The following MME variants were observed in gnomAD, a reference collection of about 807,000 sequenced individuals.
MME encodes membrane metalloendopeptidase, also known as neprilysin.
MME carries 98 observed loss-of-function variants against 113.2 expected under a neutral mutation model. The observed-to-expected ratio is 0.87, with a 90% CI of 0.74 to 1.02. The LOEUF (loss-of-function observed/expected upper bound fraction) is 1.02, where lower values mean the gene tolerates loss of function less well. Ranked by LOEUF, MME falls within the 50% of genes least tolerant of loss-of-function variation. The pLI, the probability that MME is intolerant of heterozygous loss-of-function variation, is 0.00. For missense variants in MME, 836 were observed against 896.0 expected (o/e 0.93, Z 0.86); for synonymous variants, 292 against 300.6 (o/e 0.97, Z 0.30).
Position 155,084,320 on chromosome 3 carries a change from C to G in MME, c.153C>G (p.Thr51=). 1 of 1,614,160 alleles carries G rather than the reference C, an allele frequency of 6.2e-7. No individual in the cohort carries two copies. Among genetic ancestry groups the G allele is most frequent in the South Asian group, 1.1e-5 (1 of 91,078 alleles). Residue 51 remains threonine, a synonymous_variant, in exon 2 of 23, where the codon ACC becomes ACG. Transcript: ENST00000360490. Reference sequence around the variant, plus strand: ...TGACAATGATCGCACTCTATGCAACCTACGATGGTGAGTTACTCCCACACC... The same window carrying G: ...TGACAATGATCGCACTCTATGCAACGTACGATGGTGAGTTACTCCCACACC... The part of the protein sequence containing the change: ...IAVTMIALYA[T]YDDGICKSSD...
At chr3:155,069,309 A>G (rs913054291) in intron 1 of MME, among the ~76,000 whole-genome samples, 1 of 152,248 alleles carries the variant, frequency 6.6e-6, no homozygotes, top group Admixed American at 6.5e-5. Context: ...GTAGAAGCTA[A>G]GAGAACTGAA....
At chr3:155,080,313 A>G (rs1057377566), upstream of MME, 3 of 152,228 alleles carry the variant, frequency 2.0e-5, no homozygotes, top group African/African-American at 7.2e-5. Context: ...CTTCAGGTTC[A>G]TTTCCATAGT....
At chr3:155,155,092 G>T (rs1722220240) in intron 16 of MME, among the ~76,000 whole-genome samples, 1 of 152,116 alleles carries the variant, frequency 6.6e-6, no homozygotes, top group African/African-American at 2.4e-5. Context: ...GGGGTTGTTA[G>T]CAAAATGTGT....
At chr3:155,124,849 G>A (rs2108275229) in intron 8 of MME, among the ~76,000 whole-genome samples, 1 of 152,234 alleles carries the variant, frequency 6.6e-6, no homozygotes, top group Admixed American at 6.5e-5. Flanking sequence ...ATTTAAGTCT[G>A]CAGAGGTTAC....
intron 3 of MME, among the ~76,000 whole-genome samples, chr3:155,087,488 A>G (rs1486167443): frequency 1.3e-5 from 2 of 152,094 alleles, no homozygotes; most frequent in African/African-American, 4.8e-5. Context: ...AAAAGTCAGC[A>G]TGTGCCCAAG....
intron 22 of MME, among the ~76,000 whole-genome samples, chr3:155,173,361 G>C (rs537677175): frequency 4.5e-4 from 68 of 151,846 alleles, no homozygotes; most frequent in African/African-American, 1.4e-3. Flanking sequence ...AATTTTGTAG[G>C]GTAGTTGGAA....
intron 8 of MME, among the ~76,000 whole-genome samples, chr3:155,134,565 C>T (rs1292292867): frequency 6.6e-6 from 1 of 152,024 alleles, no homozygotes; most frequent in African/African-American, 2.4e-5. Flanking sequence ...GTTGATTCTA[C>T]GTTTTTGCTA....
intron 3 of MME, chr3:155,089,929 C>CA: frequency 4.6e-6 from 2 of 432,846 alleles, no homozygotes; most frequent in Non-Finnish European, 9.4e-6. Context: ...GACTGCACTC[C>CA]AGCCTGGAAG....
intron 3 of MME, among the ~76,000 whole-genome samples, chr3:155,091,735 T>C (rs935098526): frequency 1.3e-5 from 2 of 152,128 alleles, no homozygotes; most frequent in East Asian, 3.9e-4. Context: ...TTGAAGGAAA[T>C]TGAAAAATAC....
At chr3:155,041,021 A>G (rs938710470) in intron 1 of MME, among the ~76,000 whole-genome samples, 2 of 152,156 alleles carry the variant, frequency 1.3e-5, no homozygotes, top group African/African-American at 4.8e-5. Context: ...CTATATGTAC[A>G]TTTTCCTCAG....
chr3:155,163,396 C>T (rs1436121342), intron 17 of MME, among the ~76,000 whole-genome samples: 1 of 152,138 alleles, frequency 6.6e-6, no homozygotes, highest in Middle Eastern at 3.2e-3. Context: ...GTATGCATTC[C>T]TACTCTTCAT....
chr3:155,047,352 G>A (rs768513751), intron 1 of MME, among the ~76,000 whole-genome samples: 3 of 152,188 alleles, frequency 2.0e-5, no homozygotes, highest in Non-Finnish European at 4.4e-5. Context: ...AGGAGCAACA[G>A]GCTATCCTAT....
At chr3:155,101,624 T>TAAGA (rs1717234750) in intron 3 of MME, among the ~76,000 whole-genome samples, 3 of 152,236 alleles carry the variant, frequency 2.0e-5, no homozygotes, top group Admixed American at 1.3e-4. Context: ...GACTGAAATC[T>TAAGA]AGCTTAGCTC....
intron 1 of MME, among the ~76,000 whole-genome samples, chr3:155,046,646 C>T (rs144299630): frequency 1.4e-4 from 21 of 152,278 alleles, no homozygotes; most frequent in East Asian, 3.9e-4. Context: ...GCTGAGATCA[C>T]GCCACTGCCC....
intron 3 of MME, among the ~76,000 whole-genome samples, chr3:155,113,357 G>A (rs1184184937): frequency 6.6e-6 from 1 of 152,168 alleles, no homozygotes; most frequent in Non-Finnish European, 1.5e-5. Context: ...TTGGTTCACT[G>A]CAACCTCCAC....
Position 155,115,026 on chromosome 3 carries a change from A to T in MME, c.229A>T (p.Thr77Ser). The change falls in exon 4 of 23, where the codon ACT becomes TCT. Residue 77 changes from threonine (T) to serine (S), a missense_variant. Transcript: ENST00000360490. ...ACTGATCCAAAACATGGATGCCACC[A>T]CTGAGCCTTGTACAGACTTTTTCAA... ...ARLIQNMDAT[T>S]EPCTDFFKYA... 6.2e-7 allele frequency: 1 copy of T among 1,614,086 alleles called. No homozygotes were observed. Among genetic ancestry groups the T allele is most frequent in the Non-Finnish European group, 8.5e-7 (1 of 1,179,988 alleles).
rs140441579 is a variant in MME, at chr3:155,111,274, C to T, written c.197-3720C>T. Among the ~76,000 whole-genome samples, 260 of 152,306 alleles carry T rather than the reference C, an allele frequency of 1.7e-3. 1 individual carries two copies. Among genetic ancestry groups the T allele is most frequent in the African/African-American group, 5.9e-3 (245 of 41,562 alleles). On this transcript the variant is annotated intron_variant, in intron 3 of 22. Coordinates refer to ENST00000360490, the MANE Select transcript of MME (RefSeq NM_007289.4). ...AAAGGAAGGTTGATCAAAGACCCAG[C>T]ATAAAAGTGCTAGCCCGTGACTTGC...
intron 20 of MME, among the ~76,000 whole-genome samples, chr3:155,171,240 GC>G (rs1711912187): frequency 6.6e-6 from 1 of 152,154 alleles, no homozygotes; most frequent in Admixed American, 6.5e-5. Flanking sequence ...GTAATGCCTT[GC>G]CCCCCTGCTA....
At chr3:155,115,300 T>C in intron 4 of MME, 145 bp downstream of exon 4, 1 of 950,528 alleles carries the variant, frequency 1.1e-6, no homozygotes, top group Non-Finnish European at 1.6e-6. Flanking sequence ...CACCACCAAG[T>C]CACTCTGATA....
Sources: allele counts gnomAD v4.1 joint callset (sites outside exome capture counted in the v4.1 genomes callset), GRCh38; gene constraint gnomAD v4.1.1; transcripts MANE v1.5; gene names NCBI Gene and HGNC (gene_info 2026-07-23, HGNC 2026-07-21).